Variants in SDK1 observed in about 807,000 individuals in gnomAD.
The protein encoded by SDK1 is protein sidekick-1.
SDK1 carries 157 observed loss-of-function variants against 245.5 expected under a neutral mutation model. The ratio of observed to expected loss-of-function variants is 0.64; its 90% confidence interval spans 0.56 to 0.73. SDK1 has a LOEUF of 0.73. SDK1 is among the 30% of genes least tolerant of loss of function. SDK1 has a pLI of 0.00. For missense variants in SDK1, 3,583 were observed against 3,002.3 expected, an observed-to-expected ratio of 1.19 and a Z score of -4.52; for synonymous variants, 1,647 against 1,278.5, an observed-to-expected ratio of 1.29 and a Z score of -6.15.
At chr7:3,359,870 A>T (rs567274235) in intron 1 of SDK1, among the ~76,000 whole-genome samples, 1 of 152,332 alleles carries the variant, frequency 6.6e-6, no homozygotes, top group Non-Finnish European at 1.5e-5. Flanking sequence ...CCTGTGACCC[A>T]TGAAGTCTTA....
chr7:4,094,219 A>C (rs35549666), intron 22 of SDK1, among the ~76,000 whole-genome samples: 22,681 of 151,994 alleles, frequency 0.15, 1,816 homozygotes, highest in African/African-American at 0.19. Flanking sequence ...CTGCCACCAC[A>C]CCCAGCTAAT....
At chr7:3,913,696 C>T (rs1266663618) in intron 5 of SDK1, among the ~76,000 whole-genome samples, 1 of 152,166 alleles carries the variant, frequency 6.6e-6, no homozygotes, top group Non-Finnish European at 1.5e-5. Context: ...TCCTAAACCC[C>T]CTTGAGTATG....
intron 1 of SDK1, among the ~76,000 whole-genome samples, chr7:3,607,939 C>T (rs78651635): frequency 0.034 from 5,135 of 152,294 alleles, 232 homozygotes; most frequent in African/African-American, 0.1. Flanking sequence ...AGACCCTGAG[C>T]CCCTTTGCAG....
intron 13 of SDK1, among the ~76,000 whole-genome samples, chr7:3,985,390 G>C (rs1010514404): frequency 3.3e-5 from 5 of 152,260 alleles, no homozygotes; most frequent in Non-Finnish European, 1.5e-5. Context: ...CACCGATTCA[G>C]ATTGCAGCAG....
Position 3,619,135 on chromosome 7 carries a change from A to G in SDK1, c.354A>G (p.Glu118=). 6.2e-7 allele frequency: 1 copy of G among 1,613,932 alleles called. No individual in the cohort carries two copies. The highest frequency in any genetic ancestry group is 1.1e-5 in the South Asian group (1 of 91,048). Residue 118 remains glutamate (E), a synonymous_variant, in exon 2 of 45, where the codon GAA becomes GAG. Transcript: ENST00000404826. ...TEPGLPQIHL[E]GNRLVLTCLA... ...CAGGCCTACCACAGATCCACCTGGA[A>G]GGGAACCGCCTTGTTCTCACCTGCC...
chr7:3,310,522 A>G (rs568783814), intron 1 of SDK1, among the ~76,000 whole-genome samples: 23 of 152,290 alleles, frequency 1.5e-4, no homozygotes, highest in Non-Finnish European at 2.8e-4. Context: ...TGGAAGGTGA[A>G]TGAGAAAACA....
rs143821509 is a variant in SDK1, at chr7:3,960,023, T to C, written c.1234+1009T>C. On this transcript the variant is annotated intron_variant, in intron 8 of 44. Transcript: ENST00000404826. ...CTATCAGGAAACGAAAAGGATCTTTTCTCTTTTGTTTATACCCATCCGTCC... is the reference window on the plus strand; with the variant it reads ...CTATCAGGAAACGAAAAGGATCTTTCCTCTTTTGTTTATACCCATCCGTCC... Among the ~76,000 whole-genome samples, 544 of 152,330 alleles carry C rather than the reference T, an allele frequency of 3.6e-3. 2 individuals carry two copies. Among genetic ancestry groups the C allele is most frequent in the Non-Finnish European group, 3.7e-3 (250 of 68,034 alleles).
intron 4 of SDK1, among the ~76,000 whole-genome samples, chr7:3,642,490 T>C (rs533909562): frequency 7.9e-5 from 12 of 152,272 alleles, no homozygotes; most frequent in Non-Finnish European, 1.3e-4. Context: ...GGGTTTTTTT[T>C]CCCCCTCCTT....
chr7:4,267,068 GT>G lies in SDK1; in HGVS notation c.*1686del, dbSNP rs1404682361. ...ATTGCCTGGATTCTGTGCTGTCAGC[GT>G]TGCTGAGTATGGCCCCAGGAGACCA... On this transcript the variant is annotated 3_prime_UTR_variant, in exon 45 of 45. Transcript: ENST00000404826. 2 of 985,466 alleles carry G rather than the reference GT, an allele frequency of 2.0e-6. No homozygotes were observed. The highest frequency in any genetic ancestry group is 2.4e-6 in the Non-Finnish European group (2 of 829,918). The allele number at this position is 985,466 out of a possible 1,614,324, so 61.0% of individuals were successfully genotyped here. A position where few individuals can be genotyped will look rare whatever the true frequency, so the allele number is the denominator to read the frequency against.
At chr7:3,464,107 G>T (rs532813333) in intron 1 of SDK1, among the ~76,000 whole-genome samples, 23 of 152,192 alleles carry the variant, frequency 1.5e-4, no homozygotes, top group Non-Finnish European at 2.5e-4. Context: ...CTAAAAATAC[G>T]CAGTTATTTC....
At chr7:3,383,186 G>C (rs1430594405) in intron 1 of SDK1, among the ~76,000 whole-genome samples, 1 of 152,124 alleles carries the variant, frequency 6.6e-6, no homozygotes, top group East Asian at 1.9e-4. Context: ...CTGAGGTGGG[G>C]GGATCAATTG....
At chr7:3,774,132 G>A (rs776559015) in intron 4 of SDK1, among the ~76,000 whole-genome samples, 9 of 150,936 alleles carry the variant, frequency 6.0e-5, no homozygotes, top group African/African-American at 9.7e-5. Flanking sequence ...GGAGAATGGC[G>A]TGAACCCAGG....
chr7:3,676,057 C>T (rs567921335), intron 4 of SDK1, among the ~76,000 whole-genome samples: 1 of 152,152 alleles, frequency 6.6e-6, no homozygotes, highest in Non-Finnish European at 1.5e-5. Context: ...CCACAAACTC[C>T]CAGGCTCAAG....
At chr7:3,522,450 A>C (rs771385172) in intron 1 of SDK1, among the ~76,000 whole-genome samples, 1 of 152,190 alleles carries the variant, frequency 6.6e-6, no homozygotes, top group Non-Finnish European at 1.5e-5. Context: ...CTTCAGACCC[A>C]CAGCTTAAAA....
chr7:4,002,198 G>C (rs1464257290), intron 14 of SDK1, among the ~76,000 whole-genome samples: 4 of 152,196 alleles, frequency 2.6e-5, no homozygotes, highest in Non-Finnish European at 5.9e-5. Context: ...ACTAGACCAA[G>C]AGAAGCTTTT....
intron 1 of SDK1, among the ~76,000 whole-genome samples, chr7:3,431,062 G>A (rs1302826549): frequency 1.3e-5 from 2 of 152,002 alleles, no homozygotes; most frequent in Non-Finnish European, 2.9e-5. Context: ...TGCCACGCCT[G>A]GCTAATTTTT....
At chr7:3,472,185 T>C (rs1259624827) in intron 1 of SDK1, among the ~76,000 whole-genome samples, 4 of 152,302 alleles carry the variant, frequency 2.6e-5, no homozygotes, top group South Asian at 2.1e-4. Flanking sequence ...ATTGTAAATA[T>C]TGTTTTGCAT....
intron 23 of SDK1, among the ~76,000 whole-genome samples, chr7:4,112,549 T>C (rs1562827547): frequency 6.6e-6 from 1 of 152,182 alleles, no homozygotes; most frequent in Non-Finnish European, 1.5e-5. Flanking sequence ...GACATCCTGA[T>C]ATTCCAATTC....
chr7:4,264,872 C>T (rs1315473230), intron 44 of SDK1, among the ~76,000 whole-genome samples: 1 of 152,008 alleles, frequency 6.6e-6, no homozygotes, highest in Non-Finnish European at 1.5e-5. Context: ...AAACCTGGTA[C>T]AGAGTGAGGG....
Sources: allele counts gnomAD v4.1 joint callset (sites outside exome capture counted in the v4.1 genomes callset), GRCh38; gene constraint gnomAD v4.1.1; transcripts MANE v1.5; gene names NCBI Gene and HGNC (gene_info 2026-07-23, HGNC 2026-07-21).